Variants in FANCC observed in about 807,000 individuals in gnomAD.
FANCC encodes Fanconi anemia group C protein.
A neutral mutation model predicts 71.3 loss-of-function variants in FANCC; 55 were observed. The observed-to-expected ratio is 0.77, with a 90% CI of 0.62 to 0.97. The LOEUF (loss-of-function observed/expected upper bound fraction) is 0.97. Ranked by LOEUF, FANCC falls within the 50% of genes least tolerant of loss-of-function variation. The pLI is 0.00. For synonymous variants in FANCC, 275 were observed against 244.9 expected (o/e 1.12, Z -1.15); for missense variants, 678 against 670.9 (o/e 1.01, Z -0.12).
chr9:95,299,004 G>A (rs192378905), intron 1 of FANCC, among the ~76,000 whole-genome samples: 40 of 152,272 alleles, frequency 2.6e-4, no homozygotes, highest in African/African-American at 9.4e-4. Flanking sequence ...GGTATATATG[G>A]TTTTAAGATC....
intron 4 of FANCC, among the ~76,000 whole-genome samples, chr9:95,213,779 C>T (rs901341098): frequency 1.3e-5 from 2 of 151,974 alleles, no homozygotes; most frequent in African/African-American, 2.4e-5. Flanking sequence ...ACCAAAGGCA[C>T]GGACAACAAA....
chr9:95,133,620 G>A (rs988030667), intron 8 of FANCC, among the ~76,000 whole-genome samples: 72 of 152,180 alleles, frequency 4.7e-4, no homozygotes, highest in Non-Finnish European at 6.9e-4. Flanking sequence ...GAAGGTTCAG[G>A]GAAGAATCCA....
At position 95,291,051 on chromosome 9, in the gene FANCC, C is replaced by G. The variant is rs553595113; in HGVS notation, c.-79+26475G>C. Among the ~76,000 whole-genome samples, 3 of 152,198 alleles carry G rather than the reference C, an allele frequency of 2.0e-5. No individual in the cohort carries two copies. The East Asian group carries it at 5.8e-4, about 29-fold the overall frequency. ...CATCTTTCATGATAAAAAAAACTGT[C>G]AACAAATTAGGTATAGAAGGAATGT... On this transcript the variant is annotated intron_variant, in intron 1 of 14. Transcript: ENST00000289081.
intron 4 of FANCC, among the ~76,000 whole-genome samples, chr9:95,227,242 CT>C (rs1431244491): frequency 6.6e-6 from 1 of 152,128 alleles, no homozygotes; most frequent in Non-Finnish European, 1.5e-5. Flanking sequence ...TTTCCTTTGT[CT>C]TTCCAACTTG....
At chr9:95,146,820 G>C (rs889969590) in intron 7 of FANCC, among the ~76,000 whole-genome samples, 2 of 152,096 alleles carry the variant, frequency 1.3e-5, no homozygotes, top group African/African-American at 2.4e-5. Flanking sequence ...TGTTTCCAGA[G>C]AGGGAGGGAA....
At chr9:95,251,481 A>C (rs547923657) in intron 1 of FANCC, among the ~76,000 whole-genome samples, 1 of 152,106 alleles carries the variant, frequency 6.6e-6, no homozygotes, top group African/African-American at 2.4e-5. Flanking sequence ...ACGCCCGGCT[A>C]ATTTTTGTAT....
intron 8 of FANCC, among the ~76,000 whole-genome samples, chr9:95,130,487 T>C (rs1308059349): frequency 6.6e-6 from 1 of 152,246 alleles, no homozygotes; most frequent in African/African-American, 2.4e-5. Flanking sequence ...TTCATAGATA[T>C]ATTCGCCTTA....
chr9:95,190,980 T>C (rs1312757786), intron 4 of FANCC, among the ~76,000 whole-genome samples: 1 of 150,694 alleles, frequency 6.6e-6, no homozygotes, highest in Non-Finnish European at 1.5e-5. Context: ...GTCACAAAGG[T>C]TGCACCCCAA....
chr9:95,222,261 C>T (rs1829327890), intron 4 of FANCC, among the ~76,000 whole-genome samples: 1 of 146,460 alleles, frequency 6.8e-6, no homozygotes, highest in South Asian at 2.2e-4. Context: ...AACAGATAAA[C>T]AAACTGGTAT....
intron 4 of FANCC, among the ~76,000 whole-genome samples, chr9:95,221,147 C>T (rs1368404643): frequency 6.6e-6 from 1 of 152,002 alleles, no homozygotes; most frequent in Non-Finnish European, 1.5e-5. Context: ...GCAGGGGAAT[C>T]GCTTGAACCC....
At chr9:95,217,712 G>C (rs1245668308) in intron 4 of FANCC, among the ~76,000 whole-genome samples, 2 of 152,030 alleles carry the variant, frequency 1.3e-5, no homozygotes, top group East Asian at 3.8e-4. Context: ...AAGAGCTAGG[G>C]TAAGAAAGAT....
chr9:95,148,391 A>T (rs2135408109), intron 7 of FANCC, among the ~76,000 whole-genome samples: 1 of 152,378 alleles, frequency 6.6e-6, no homozygotes. Context: ...GCAGACAGGC[A>T]GTGGTCAGTC....
At chr9:95,201,790 G>A (rs1339871281) in intron 4 of FANCC, among the ~76,000 whole-genome samples, 2 of 152,142 alleles carry the variant, frequency 1.3e-5, no homozygotes, top group Admixed American at 1.3e-4. Context: ...TCTAAAACTA[G>A]CCAAGACACA....
chr9:95,316,121 G>A (rs1180815221), intron 1 of FANCC, among the ~76,000 whole-genome samples: 2 of 152,222 alleles, frequency 1.3e-5, no homozygotes, highest in Non-Finnish European at 2.9e-5. Flanking sequence ...AAATTCGAAT[G>A]TATAATATAC....
chr9:95,197,525 T>A (rs968610194), intron 4 of FANCC, among the ~76,000 whole-genome samples: 4 of 152,100 alleles, frequency 2.6e-5, no homozygotes, highest in African/African-American at 9.7e-5. Context: ...GGTGAAAGAA[T>A]CAGACCCCGT....
intron 1 of FANCC, among the ~76,000 whole-genome samples, chr9:95,316,671 C>A (rs1466635685): frequency 1.3e-5 from 2 of 152,158 alleles, no homozygotes; most frequent in Non-Finnish European, 2.9e-5. Flanking sequence ...TAGAAAACTC[C>A]TTGGTCTCTT....
At chr9:95,261,755 A>C (rs1832063275) in intron 1 of FANCC, among the ~76,000 whole-genome samples, 1 of 152,350 alleles carries the variant, frequency 6.6e-6, no homozygotes, top group East Asian at 1.9e-4. Context: ...ATTCCTATGC[A>C]GAGGGGACTA....
At chr9:95,293,375 C>G (rs911328243) in intron 1 of FANCC, 1 of 1,589,972 alleles carries the variant, frequency 6.3e-7, no homozygotes, top group African/African-American at 1.4e-5. Context: ...ACTGCCTGCC[C>G]TTGTCAGTAG....
intron 4 of FANCC, among the ~76,000 whole-genome samples, chr9:95,200,489 G>T (rs902186222): frequency 6.6e-6 from 1 of 152,162 alleles, no homozygotes; most frequent in African/African-American, 2.4e-5. Flanking sequence ...TATCAAGGAG[G>T]TCTAAGCAGC....
Sources: gnomAD v4.1 joint callset for allele counts (sites outside exome capture counted in the v4.1 genomes callset) on GRCh38, gnomAD v4.1.1 for gene constraint, MANE v1.5 for transcripts, NCBI Gene and HGNC (gene_info 2026-07-23, HGNC 2026-07-21) for gene names.